The following FARS2 variants were observed in gnomAD, a reference collection of about 807,000 sequenced individuals.
The protein encoded by FARS2 is phenylalanine--tRNA ligase, mitochondrial.
In FARS2, 40 loss-of-function variants were observed where a neutral mutation model predicts 46.4. The ratio of observed to expected loss-of-function variants is 0.86; its 90% CI spans 0.67 to 1.12. The LOEUF (loss-of-function observed/expected upper bound fraction) is 1.12, where lower values mean the gene tolerates loss of function less well. Among genes scored for constraint, FARS2 ranks in the 50% most tolerant of loss-of-function variants. The pLI, the probability that FARS2 is intolerant of heterozygous loss-of-function variation, is 0.00. For missense variants in FARS2, 513 were observed against 567.9 expected, an observed-to-expected ratio of 0.90 and a Z score of 0.98; for synonymous variants, 234 against 214.9, an observed-to-expected ratio of 1.09 and a Z score of -0.78.
chr6:5,382,826 A>G (rs543792516), intron 2 of FARS2, among the ~76,000 whole-genome samples: 3 of 152,328 alleles, frequency 2.0e-5, no homozygotes, highest in East Asian at 3.9e-4. Flanking sequence ...GTTTGTCACA[A>G]TCTGAAGGTT....
chr6:5,405,215 T>C (rs936126851), intron 3 of FARS2, among the ~76,000 whole-genome samples: 4 of 152,174 alleles, frequency 2.6e-5, no homozygotes, highest in Non-Finnish European at 5.9e-5. Flanking sequence ...TTTGATATAA[T>C]ATTTTAAATA....
At chr6:5,526,409 T>C (rs1050433583) in intron 4 of FARS2, among the ~76,000 whole-genome samples, 4 of 129,420 alleles carry the variant, frequency 3.1e-5, no homozygotes, top group Middle Eastern at 3.8e-3. Context: ...TTGGGAATTA[T>C]GGAATTAGAG....
chr6:5,654,996 A>C (rs1777541663), intron 6 of FARS2, among the ~76,000 whole-genome samples: 1 of 152,216 alleles, frequency 6.6e-6, no homozygotes, highest in Non-Finnish European at 1.5e-5. Context: ...GTAGCAGTAT[A>C]GTATATAATA....
chr6:5,524,207 A>G (rs1243878264), intron 4 of FARS2, among the ~76,000 whole-genome samples: 2 of 152,232 alleles, frequency 1.3e-5, no homozygotes, highest in Non-Finnish European at 2.9e-5. Context: ...AATCCATAAG[A>G]CACTAAAAGT....
intron 1 of FARS2, among the ~76,000 whole-genome samples, chr6:5,307,133 C>T (rs1768765516): frequency 1.3e-5 from 2 of 151,822 alleles, no homozygotes; most frequent in Non-Finnish European, 2.9e-5. Flanking sequence ...TATATTTTTC[C>T]TACAGAAGCT....
At chr6:5,435,018 A>G (rs572305751) in intron 4 of FARS2, among the ~76,000 whole-genome samples, 2 of 152,324 alleles carry the variant, frequency 1.3e-5, no homozygotes, top group South Asian at 2.1e-4. Flanking sequence ...TAACCATGAT[A>G]ACAAGGTTCC....
chr6:5,676,957 C>G lies in FARS2; in HGVS notation c.1217+63637C>G, dbSNP rs544195808. Among the ~76,000 whole-genome samples, 7 of 152,282 alleles carry G rather than the reference C, an allele frequency of 4.6e-5. No individual in the cohort carries two copies. In the South Asian group the frequency reaches 1.4e-3, roughly 32 times the overall value. ...AGAAAACCACAGAGTATAGTCATTCCTGGAACAACCAGGAGATGGTTATTA... is the reference window on the plus strand; with the variant it reads ...AGAAAACCACAGAGTATAGTCATTCGTGGAACAACCAGGAGATGGTTATTA... On this transcript the variant is annotated intron_variant, in intron 6 of 6. Transcript: ENST00000274680.
At chr6:5,638,636 C>T (rs1272235412) in intron 6 of FARS2, among the ~76,000 whole-genome samples, 1 of 152,224 alleles carries the variant, frequency 6.6e-6, no homozygotes, top group Admixed American at 6.5e-5. Flanking sequence ...ACTGAGGACT[C>T]TCAGGAGAGG....
chr6:5,609,078 T>A, intron 5 of FARS2: 1 of 590,684 alleles, frequency 1.7e-6, no homozygotes, highest in South Asian at 1.6e-5. Context: ...TTTTTGCCCA[T>A]ACACATGAGT....
chr6:5,626,157 A>G (rs1294438218), intron 6 of FARS2, among the ~76,000 whole-genome samples: 1 of 152,110 alleles, frequency 6.6e-6, no homozygotes, highest in Non-Finnish European at 1.5e-5. Context: ...CCTGGTACGA[A>G]TGAGGGAATC....
chr6:5,449,887 C>T (rs76556030), intron 4 of FARS2, among the ~76,000 whole-genome samples: 5,217 of 152,210 alleles, frequency 0.034, 147 homozygotes, highest in Non-Finnish European at 0.048. Context: ...CAATTAATGA[C>T]GAAAATATGG....
At chr6:5,569,001 C>G (rs1260456832) in intron 5 of FARS2, among the ~76,000 whole-genome samples, 1 of 151,426 alleles carries the variant, frequency 6.6e-6, no homozygotes, top group Non-Finnish European at 1.5e-5. Flanking sequence ...AAATTGGGGT[C>G]TGGCTGCCTT....
intron 6 of FARS2, among the ~76,000 whole-genome samples, chr6:5,654,712 C>CA (rs1777527272): frequency 1.3e-5 from 2 of 152,054 alleles, no homozygotes. Context: ...AGTATCTATC[C>CA]TGTCAGGAAG....
intron 4 of FARS2, 90 bp downstream of exon 4, chr6:5,431,262 ATACT>A: frequency 7.5e-7 from 1 of 1,324,878 alleles, no homozygotes; most frequent in East Asian, 2.3e-5. Flanking sequence ...AGATATTTAC[ATACT>A]TCTATGCGGG....
intron 2 of FARS2, among the ~76,000 whole-genome samples, chr6:5,392,930 A>ATG (rs4053245): frequency 1.5e-5 from 2 of 136,580 alleles, no homozygotes; most frequent in African/African-American, 5.3e-5. Flanking sequence ...ATATACATAT[A>ATG]TGTGTGTGTG....
At chr6:5,663,339 C>T (rs116283738) in intron 6 of FARS2, among the ~76,000 whole-genome samples, 1,560 of 152,282 alleles carry the variant, frequency 0.01, 20 homozygotes, top group African/African-American at 0.036. Flanking sequence ...GCAGTCAGAT[C>T]AGATGATTGA....
At chr6:5,530,163 T>G (rs931622173) in intron 4 of FARS2, among the ~76,000 whole-genome samples, 6 of 152,312 alleles carry the variant, frequency 3.9e-5, no homozygotes, top group Admixed American at 3.9e-4. Context: ...GGTCTCCAGA[T>G]GTGTCACCTG....
intron 6 of FARS2, among the ~76,000 whole-genome samples, chr6:5,616,101 T>C (rs1775468231): frequency 6.6e-6 from 1 of 151,570 alleles, no homozygotes; most frequent in African/African-American, 2.4e-5. Flanking sequence ...CCACTCTGTG[T>C]GTTTCTTCTC....
At chr6:5,575,417 C>G (rs754107264) in intron 5 of FARS2, among the ~76,000 whole-genome samples, 15 of 152,316 alleles carry the variant, frequency 9.8e-5, no homozygotes, top group Non-Finnish European at 2.2e-4. Flanking sequence ...ACCTGTGTAT[C>G]TGTACCTCCC....
Sources: gnomAD v4.1 joint callset for allele counts (sites outside exome capture counted in the v4.1 genomes callset) on GRCh38, gnomAD v4.1.1 for gene constraint, MANE v1.5 for transcripts, NCBI Gene and HGNC (gene_info 2026-07-23, HGNC 2026-07-21) for gene names.